The following ABHD17B variants were observed in gnomAD, a reference collection of about 807,000 sequenced individuals.
ABHD17B encodes abhydrolase domain containing 17B, depalmitoylase.
In ABHD17B, 9 loss-of-function variants were observed where a neutral mutation model predicts 26.2. The ratio of observed to expected loss-of-function variants is 0.34; its 90% CI spans 0.21 to 0.60. ABHD17B has a LOEUF of 0.60. Ranked by LOEUF, ABHD17B falls within the 20% of genes least tolerant of loss-of-function variation. The probability of loss-of-function intolerance (pLI) is 0.80; values close to 1 mark genes in which losing one functional copy is unlikely to be tolerated. For missense variants in ABHD17B, 224 were observed against 352.1 expected (o/e 0.64, Z 2.91); for synonymous variants, 127 against 122.3 (o/e 1.04, Z -0.25).
Position 71,865,923 on chromosome 9 carries a change from A to C in ABHD17B, c.*864T>G. Reference sequence around the variant, plus strand: ...GATAGCCAGTCTGTTAGTGGTCTTTAAGATCAACTCATGGACTTTCGGGAT... The same window carrying C: ...GATAGCCAGTCTGTTAGTGGTCTTTCAGATCAACTCATGGACTTTCGGGAT... On this transcript the variant is annotated 3_prime_UTR_variant, in exon 4 of 4. Transcript: ENST00000333421. 1.0e-6 allele frequency: 1 copy of C among 985,426 alleles called. No individual in the cohort carries two copies. The highest frequency in any genetic ancestry group is 4.7e-5 in the South Asian group (1 of 21,288). 61.0% of individuals were successfully genotyped at this position (985,426 alleles called of 1,614,324 possible). A position where few individuals can be genotyped will look rare whatever the true frequency, so the allele number is the denominator to read the frequency against.
At chr9:71,899,205 G>A (rs1370167938) in intron 1 of ABHD17B, among the ~76,000 whole-genome samples, 1 of 152,170 alleles carries the variant, frequency 6.6e-6, no homozygotes, top group Non-Finnish European at 1.5e-5. Flanking sequence ...ATGTCCTAGG[G>A]TAGGTGTGAA....
At chr9:71,893,593 G>A (rs1826860689) in intron 1 of ABHD17B, among the ~76,000 whole-genome samples, 2 of 152,194 alleles carry the variant, frequency 1.3e-5, no homozygotes, top group South Asian at 2.1e-4. Context: ...GGATTTTTAT[G>A]GAAGCTTTGT....
chr9:71,909,267 C>T lies in ABHD17B; in HGVS notation c.-4+1367G>A, dbSNP rs116768181. Among the ~76,000 whole-genome samples, 194 of 152,300 alleles carry T rather than the reference C, an allele frequency of 1.3e-3. 1 individual carries two copies. The highest frequency in any genetic ancestry group is 4.4e-3 in the African/African-American group (183 of 41,548). The stretch of plus-strand genomic sequence containing the variant: ...AGAGGTCAAAATATAGGTGAAGGTG[C>T]CATTCATTTCCTTCTGGATTTCAAA... On this transcript the variant is annotated intron_variant, in intron 1 of 3. Coordinates refer to ENST00000333421, the MANE Select transcript of ABHD17B (RefSeq NM_001025780.3).
At chr9:71,896,379 T>C (rs1826954697) in intron 1 of ABHD17B, among the ~76,000 whole-genome samples, 1 of 152,212 alleles carries the variant, frequency 6.6e-6, no homozygotes, top group African/African-American at 2.4e-5. Flanking sequence ...CCTGAAAATA[T>C]GTCTACATAC....
intron 1 of ABHD17B, among the ~76,000 whole-genome samples, chr9:71,877,073 ACAGGGCTTAGC>A (rs1826298663): frequency 6.6e-6 from 1 of 152,236 alleles, no homozygotes; most frequent in Non-Finnish European, 1.5e-5. Context: ...TAAGGCATAC[ACAGGGCTTAGC>A]CAGCAAAAGA....
At position 71,904,913 on chromosome 9, in the gene ABHD17B, A is replaced by G. The variant is rs375638301; in HGVS notation, c.-4+5721T>C. Among the ~76,000 whole-genome samples, 38 of 152,316 alleles carry G rather than the reference A, an allele frequency of 2.5e-4. No individual in the cohort carries two copies. The South Asian group carries it at 7.2e-3, about 29-fold the overall frequency. On this transcript the variant is annotated intron_variant, in intron 1 of 3. Coordinates refer to ENST00000333421, the MANE Select transcript of ABHD17B (RefSeq NM_001025780.3). ...GTCATTTTTAAGTAAATTTAGATCC[A>G]TGAGCACCTCATTATATACAAACAG...
chr9:71,868,457 A>T lies in ABHD17B; in HGVS notation c.648-1451T>A, dbSNP rs543528986. ...TTTTTTAAAAGGCAACTTGGAGGAC[A>T]CAGAAACTACACAGACAATTCTTTT... On this transcript the variant is annotated intron_variant, in intron 3 of 3. Transcript: ENST00000333421. Among the ~76,000 whole-genome samples, 67 of 152,204 alleles carry T rather than the reference A, an allele frequency of 4.4e-4. 1 individual carries two copies. Among genetic ancestry groups the T allele is most frequent in the Non-Finnish European group, 8.4e-4 (57 of 68,024 alleles).
At position 71,866,469 on chromosome 9, in the gene ABHD17B, A is replaced by G. The variant is rs1825958236; in HGVS notation, c.*318T>C. 9.6e-7 allele frequency: 1 copy of G among 1,036,300 alleles called. No homozygotes were observed. Among genetic ancestry groups the G allele is most frequent in the African/African-American group, 1.7e-5 (1 of 59,174 alleles). The allele number at this position is 1,036,300 out of a possible 1,614,324, so 64.2% of individuals were successfully genotyped here. Reference sequence around the variant, plus strand: ...TAAAAATATTTATAAATTTGTTTCTAGTATGCAAAAGCATTTGGCAATACT... The same window carrying G: ...TAAAAATATTTATAAATTTGTTTCTGGTATGCAAAAGCATTTGGCAATACT... On this transcript the variant is annotated 3_prime_UTR_variant, in exon 4 of 4. Transcript: ENST00000333421.
intron 1 of ABHD17B, among the ~76,000 whole-genome samples, chr9:71,897,326 C>CA (rs972954247): frequency 1.4e-4 from 21 of 151,648 alleles, no homozygotes; most frequent in Non-Finnish European, 2.9e-4. Context: ...AGCCTGAGTT[C>CA]AAGACCAGCT....
chr9:71,873,623 C>T (rs925862154), intron 2 of ABHD17B, among the ~76,000 whole-genome samples: 10 of 152,138 alleles, frequency 6.6e-5, no homozygotes, highest in South Asian at 2.1e-4. Flanking sequence ...GTCTCGAATA[C>T]CTGACCTCGT....
At chr9:71,907,197 A>G (rs142801481) in intron 1 of ABHD17B, among the ~76,000 whole-genome samples, 1 of 152,354 alleles carries the variant, frequency 6.6e-6, no homozygotes, top group African/African-American at 2.4e-5. Flanking sequence ...GAAACCTGAC[A>G]TAGTTATATA....
rs1251858026 is a variant in ABHD17B at position 71,866,482 on chromosome 9, A to T, written c.*305T>A. The T allele has an allele frequency of 7.4e-5, 79 of 1,069,976 alleles. 1 individual carries two copies. Among genetic ancestry groups the T allele is most frequent in the Non-Finnish European group, 1.7e-5 (15 of 881,472 alleles). The allele number at this position is 1,069,976 out of a possible 1,614,324, so 66.3% of individuals were successfully genotyped here. A position where few individuals can be genotyped will look rare whatever the true frequency, so the allele number is the denominator to read the frequency against. On this transcript the variant is annotated 3_prime_UTR_variant, in exon 4 of 4. Transcript: ENST00000333421. ...AAATTTGTTTCTAGTATGCAAAAGCATTTGGCAATACTTTTACAGCATTTG... is the reference window on the plus strand; with the variant it reads ...AAATTTGTTTCTAGTATGCAAAAGCTTTTGGCAATACTTTTACAGCATTTG...
At chr9:71,878,412 A>T (rs1384866538) in intron 1 of ABHD17B, among the ~76,000 whole-genome samples, 1 of 152,196 alleles carries the variant, frequency 6.6e-6, no homozygotes, top group Non-Finnish European at 1.5e-5. Flanking sequence ...AATAAAGATA[A>T]GACTATTTAA....
At chr9:71,906,643 C>A (rs1479648476) in intron 1 of ABHD17B, among the ~76,000 whole-genome samples, 1 of 151,978 alleles carries the variant, frequency 6.6e-6, no homozygotes, top group African/African-American at 2.4e-5. Context: ...GATAGCAAGA[C>A]CCTGTCTCTG....
At chr9:71,908,259 G>T (rs1318642840) in intron 1 of ABHD17B, among the ~76,000 whole-genome samples, 7 of 152,016 alleles carry the variant, frequency 4.6e-5, no homozygotes, top group African/African-American at 1.7e-4. Context: ...GGGAGTGGTG[G>T]CGGGTGCCCG....
downstream of ABHD17B, chr9:71,862,565 G>A (rs746677517): frequency 5.1e-6 from 8 of 1,583,224 alleles, no homozygotes; most frequent in African/African-American, 6.7e-5. Flanking sequence ...ATTGAAAACT[G>A]TAGACCTTGA....
chr9:71,890,036 C>T (rs1053727583), intron 1 of ABHD17B, among the ~76,000 whole-genome samples: 1 of 151,718 alleles, frequency 6.6e-6, no homozygotes, highest in African/African-American at 2.4e-5. Flanking sequence ...AGAGGCAGGT[C>T]GATCACTTGA....
chr9:71,897,349 T>A (rs550029176), intron 1 of ABHD17B, among the ~76,000 whole-genome samples: 94 of 152,046 alleles, frequency 6.2e-4, no homozygotes, highest in Non-Finnish European at 8.8e-4. Context: ...GGCAACATAG[T>A]GTGTACAAAA....
chr9:71,905,276 C>A (rs1349405442), intron 1 of ABHD17B, among the ~76,000 whole-genome samples: 2 of 152,002 alleles, frequency 1.3e-5, no homozygotes, highest in Non-Finnish European at 2.9e-5. Context: ...GCGCCCACCA[C>A]TACACCCGGC....
Sources: gnomAD v4.1 joint callset for allele counts (sites outside exome capture counted in the v4.1 genomes callset) on GRCh38, gnomAD v4.1.1 for gene constraint, MANE v1.5 for transcripts, NCBI Gene and HGNC (gene_info 2026-07-23, HGNC 2026-07-21) for gene names.